RAB27A: variants seen among roughly 807,000 people sequenced by gnomAD.
RAB27A encodes the protein RAB27A, member RAS oncogene family.
In RAB27A, 17 loss-of-function variants were observed where a neutral mutation model predicts 20.8. The ratio of observed to expected loss-of-function variants is 0.82; its 90% CI spans 0.56 to 1.23. The LOEUF is 1.23. Among genes scored for constraint, RAB27A ranks in the 50% most tolerant of loss-of-function variants. RAB27A has a pLI of 0.00. For synonymous variants in RAB27A, 85 were observed against 92.8 expected, an observed-to-expected ratio of 0.92 and a Z score of 0.48; for missense variants, 277 against 266.7, an observed-to-expected ratio of 1.04 and a Z score of -0.27.
rs1374945647 is a variant in RAB27A at position 55,205,489 on chromosome 15, T to C, written c.*18A>G. Reference sequence around the variant, plus strand: ...CAGGCATGGGCCACCTGAACTACTATGTCGCTTACTTGACTTCTCAACAGC... The same window carrying C: ...CAGGCATGGGCCACCTGAACTACTACGTCGCTTACTTGACTTCTCAACAGC... On this transcript the variant is annotated 3_prime_UTR_variant, in exon 7 of 7. Coordinates refer to ENST00000336787, the MANE Select transcript of RAB27A (RefSeq NM_183235.3). The C allele has an allele frequency of 2.5e-6, 4 of 1,610,154 alleles. No homozygotes were observed. The African/African-American group carries it at 4.0e-5, about 16-fold the overall frequency.
chr15:55,259,013 C>T (rs1897180859), intron 2 of RAB27A, among the ~76,000 whole-genome samples: 1 of 151,920 alleles, frequency 6.6e-6, no homozygotes, highest in Admixed American at 6.6e-5. Context: ...ATGGGGTTTT[C>T]CCATGTTAGC....
chr15:55,248,949 C>T (rs1033736089), intron 2 of RAB27A: 4 of 152,158 alleles, frequency 2.6e-5, no homozygotes, highest in Non-Finnish European at 5.9e-5. Flanking sequence ...AAAGGAAACT[C>T]ACCTAATGGA....
intron 2 of RAB27A, among the ~76,000 whole-genome samples, chr15:55,243,863 T>C (rs1248750347): frequency 6.6e-6 from 1 of 152,222 alleles, no homozygotes; most frequent in Non-Finnish European, 1.5e-5. Flanking sequence ...CAACTATACC[T>C]GCCTTTGGGT....
chr15:55,298,082 G>C (rs926466558), intron 2 of RAB27A, among the ~76,000 whole-genome samples: 2 of 151,862 alleles, frequency 1.3e-5, no homozygotes, highest in African/African-American at 4.8e-5. Flanking sequence ...GCAGGCAACT[G>C]TAGTCACAGC....
intron 2 of RAB27A, among the ~76,000 whole-genome samples, chr15:55,258,033 C>G (rs1186230442): frequency 3.4e-5 from 5 of 147,310 alleles, no homozygotes; most frequent in African/African-American, 1.3e-4. Flanking sequence ...CACCACTGCA[C>G]TCCAGCCTGG....
At chr15:55,277,333 A>G (rs990362315) in intron 1 of RAB27A, among the ~76,000 whole-genome samples, 1 of 152,148 alleles carries the variant, frequency 6.6e-6, no homozygotes, top group Non-Finnish European at 1.5e-5. Context: ...CTTGTAAAAC[A>G]ACGTCCACGT....
intron 2 of RAB27A, chr15:55,313,927 C>T (rs766044490): frequency 2.0e-5 from 3 of 153,668 alleles, no homozygotes; most frequent in African/African-American, 7.3e-5. Flanking sequence ...GAGCTGACAT[C>T]GTGCCACTGC....
chr15:55,234,852 T>TG lies in RAB27A; in HGVS notation c.82dup (p.Gln28ProfsTer6). 6.2e-7 allele frequency: 1 copy of TG among 1,611,984 alleles called. No homozygotes were observed. The highest frequency in any genetic ancestry group is 8.5e-7 in the Non-Finnish European group (1 of 1,178,392). On this transcript the variant is annotated frameshift_variant, in exon 3 of 7. Coordinates refer to ENST00000336787, the MANE Select transcript of RAB27A (RefSeq NM_183235.3). LOFTEE classifies it high-confidence loss of function. ...GGAGTTAAATTTACCATCTGTATATTGGTAAAGTACACTGGTCTTCCCTAC... is the reference window on the plus strand; with the variant it reads ...GGAGTTAAATTTACCATCTGTATATTGGGTAAAGTACACTGGTCTTCCCTAC...
intron 1 of RAB27A, among the ~76,000 whole-genome samples, chr15:55,277,121 G>A (rs78531305): frequency 0.023 from 3,489 of 152,262 alleles, 145 homozygotes; most frequent in African/African-American, 0.081. Context: ...TGTGGCAGGG[G>A]TGGATGGAGC....
chr15:55,305,239 T>C (rs1204566307), intron 2 of RAB27A, among the ~76,000 whole-genome samples: 3 of 152,120 alleles, frequency 2.0e-5, no homozygotes, highest in African/African-American at 4.8e-5. Context: ...CCAAGTGCTT[T>C]TGGGGAGGTT....
intron 2 of RAB27A, among the ~76,000 whole-genome samples, chr15:55,304,162 C>T (rs984478933): frequency 2.2e-4 from 34 of 152,140 alleles, no homozygotes; most frequent in African/African-American, 6.5e-4. Context: ...TGTGACCTTA[C>T]CCCCAACCCT....
At chr15:55,273,365 C>T (rs1408693722) in intron 1 of RAB27A, among the ~76,000 whole-genome samples, 4 of 149,822 alleles carry the variant, frequency 2.7e-5, no homozygotes, top group African/African-American at 4.9e-5. Flanking sequence ...GCCAAGATCG[C>T]GCCACTGCAC....
intron 2 of RAB27A, among the ~76,000 whole-genome samples, chr15:55,266,605 T>C (rs907868267): frequency 3.9e-5 from 6 of 152,190 alleles, no homozygotes; most frequent in Non-Finnish European, 8.8e-5. Context: ...GAGAAGATGA[T>C]AATTATTATA....
intron 2 of RAB27A, among the ~76,000 whole-genome samples, chr15:55,308,630 T>G (rs1307651584): frequency 6.6e-6 from 1 of 152,196 alleles, no homozygotes; most frequent in Non-Finnish European, 1.5e-5. Context: ...AGCAATTACT[T>G]GTTGACAGTT....
At chr15:55,209,996 ATATG>A (rs1430861632) in intron 6 of RAB27A, among the ~76,000 whole-genome samples, 2 of 112,120 alleles carry the variant, frequency 1.8e-5, no homozygotes, top group Admixed American at 7.8e-5. Flanking sequence ...ATATACGCAT[ATATG>A]TGTGTACATG....
At chr15:55,261,709 C>CAA (rs768256540) in intron 2 of RAB27A, among the ~76,000 whole-genome samples, 696 of 18,626 alleles carry the variant, frequency 0.037, 66 homozygotes, top group Non-Finnish European at 0.072. Flanking sequence ...CACTGCATCT[C>CAA]AAAAAAAAAA....
chr15:55,210,779 A>G (rs56328329), intron 6 of RAB27A, among the ~76,000 whole-genome samples: 4 of 151,974 alleles, frequency 2.6e-5, no homozygotes, highest in Admixed American at 2.0e-4. Context: ...TATAAATCCC[A>G]TATTTCTATT....
At chr15:55,276,033 T>C (rs904096868) in intron 1 of RAB27A, among the ~76,000 whole-genome samples, 1 of 151,806 alleles carries the variant, frequency 6.6e-6, no homozygotes, top group Non-Finnish European at 1.5e-5. Context: ...TGGAAAACAT[T>C]ATGGAGCTTC....
chr15:55,214,668 T>C (rs1895197818), intron 6 of RAB27A, among the ~76,000 whole-genome samples: 1 of 152,204 alleles, frequency 6.6e-6, no homozygotes, highest in East Asian at 1.9e-4. Flanking sequence ...TCTTAGTTAC[T>C]GTCAATCTTT....
Sources: allele counts gnomAD v4.1 joint callset (sites outside exome capture counted in the v4.1 genomes callset), GRCh38; gene constraint gnomAD v4.1.1; transcripts MANE v1.5; gene names NCBI Gene and HGNC (gene_info 2026-07-23, HGNC 2026-07-21).